Variants in CEP83 observed in about 807,000 individuals in gnomAD.
CEP83 encodes the protein centrosomal protein 83.
Under a neutral mutation model 101.9 loss-of-function variants are expected in CEP83, and 70 were observed. The ratio of observed to expected loss-of-function variants is 0.69; its 90% CI spans 0.57 to 0.84. CEP83 has a LOEUF of 0.84. Ranked by LOEUF, CEP83 falls within the 40% of genes least tolerant of loss-of-function variation. The probability of loss-of-function intolerance (pLI) is 0.00; values close to 1 mark genes in which losing one functional copy is unlikely to be tolerated. For synonymous variants in CEP83, 264 were observed against 267.9 expected, an observed-to-expected ratio of 0.99 and a Z score of 0.14; for missense variants, 715 against 787.2, an observed-to-expected ratio of 0.91 and a Z score of 1.10.
chr12:94,410,771 A>G (rs2063829996), intron 4 of CEP83, among the ~76,000 whole-genome samples: 1 of 152,206 alleles, frequency 6.6e-6, no homozygotes, highest in Non-Finnish European at 1.5e-5. Context: ...TTATATTTGT[A>G]TATTTAAATG....
chr12:94,272,924 T>C, the CEP83 span, among the ~76,000 whole-genome samples: 1 of 152,172 alleles, frequency 6.6e-6, no homozygotes, highest in African/African-American at 2.4e-5. Flanking sequence ...AGGGCATTCA[T>C]TGAGGCCTTC....
intron 11 of CEP83, 43 bp from the exon 12 acceptor site, chr12:94,335,707 G>T: frequency 7.8e-7 from 1 of 1,275,730 alleles, no homozygotes; most frequent in Non-Finnish European, 1.1e-6. Flanking sequence ...AAGAATCCAT[G>T]ATTCATTTAT....
At chr12:94,317,449 C>T (rs367895925) in intron 14 of CEP83, among the ~76,000 whole-genome samples, 2 of 152,058 alleles carry the variant, frequency 1.3e-5, no homozygotes, top group Non-Finnish European at 2.9e-5. Flanking sequence ...TTGCTTTTGT[C>T]GTGATTGCTT....
At position 94,312,335 on chromosome 12, in the gene CEP83, GA is replaced by G. The variant is rs534197843; in HGVS notation, c.1811+578del. On this transcript the variant is annotated intron_variant, in intron 15 of 16. Coordinates refer to ENST00000397809, the MANE Select transcript of CEP83 (RefSeq NM_016122.3). ...GATATTATAGGCAGTTTCCATTACA[GA>G]AAAATCTATACTTGAATAGCCAAGG... 4.8e-4 allele frequency among the ~76,000 whole-genome samples: 73 copies of G among 152,256 alleles called. No individual in the cohort carries two copies. In the South Asian group the frequency reaches 0.015, roughly 32 times the overall value.
At chr12:94,294,352 C>T in the CEP83 span, 1 of 563,148 alleles carries the variant, frequency 1.8e-6, no homozygotes, top group Non-Finnish European at 3.3e-6. Flanking sequence ...GTGCCCAGAA[C>T]ATAGTAATTC....
At chr12:94,422,344 A>G (rs2138004051) in intron 2 of CEP83, among the ~76,000 whole-genome samples, 2 of 152,340 alleles carry the variant, frequency 1.3e-5, no homozygotes, top group East Asian at 3.9e-4. Context: ...CAGAAAGTAA[A>G]TTAGCCTTGC....
At chr12:94,458,717 G>A (rs931708143) in intron 1 of CEP83, among the ~76,000 whole-genome samples, 5 of 152,166 alleles carry the variant, frequency 3.3e-5, no homozygotes, top group East Asian at 1.9e-4. Context: ...CAGCCTGGGC[G>A]ACAGAGTGAG....
At chr12:94,406,770 T>A (rs947352643) in intron 4 of CEP83, among the ~76,000 whole-genome samples, 1 of 151,288 alleles carries the variant, frequency 6.6e-6, no homozygotes, top group East Asian at 1.9e-4. Flanking sequence ...CAATAAAAAA[T>A]TTAAAAATTA....
chr12:94,361,688 T>C lies in CEP83; in HGVS notation c.1343+6106A>G, dbSNP rs529095126. Among the ~76,000 whole-genome samples, 132 of 152,110 alleles carry C rather than the reference T, an allele frequency of 8.7e-4. 1 individual carries two copies. Among genetic ancestry groups the C allele is most frequent in the Admixed American group, 2.6e-3 (39 of 15,262 alleles). Reference sequence around the variant, plus strand: ...ACAACCTATACAATGGGAGAAAATATTAATACCTGCAAACTAATTTTTTTT... The same window carrying C: ...ACAACCTATACAATGGGAGAAAATACTAATACCTGCAAACTAATTTTTTTT... On this transcript the variant is annotated intron_variant, in intron 11 of 16. Coordinates refer to ENST00000397809, the MANE Select transcript of CEP83 (RefSeq NM_016122.3).
upstream of CEP83, chr12:94,460,039 T>C (rs1450752308): frequency 6.6e-6 from 1 of 152,082 alleles, no homozygotes; most frequent in Non-Finnish European, 1.5e-5. Flanking sequence ...CCGGAGCCGT[T>C]AGAGGGAGGA....
intron 11 of CEP83, among the ~76,000 whole-genome samples, chr12:94,350,693 AC>A (rs2060159770): frequency 6.6e-6 from 1 of 152,198 alleles, no homozygotes; most frequent in African/African-American, 2.4e-5. Context: ...ACAGAGTAAA[AC>A]CCTACAGAAT....
intron 2 of CEP83, among the ~76,000 whole-genome samples, chr12:94,420,707 G>A (rs1230351735): frequency 6.6e-6 from 1 of 151,972 alleles, no homozygotes; most frequent in African/African-American, 2.4e-5. Flanking sequence ...CCCTGCTATA[G>A]ATACTCTATA....
chr12:94,349,302 A>AT (rs2060096526), intron 11 of CEP83, among the ~76,000 whole-genome samples: 1 of 151,404 alleles, frequency 6.6e-6, no homozygotes. Flanking sequence ...AAAAAAAAAA[A>AT]GAAAAAAAGT....
chr12:94,303,814 T>C (rs201903968), downstream of CEP83: 10 of 1,606,280 alleles, frequency 6.2e-6, no homozygotes, highest in East Asian at 2.2e-4. Flanking sequence ...AAAGAAGAAG[T>C]AAAATCTTAT....
At chr12:94,383,408 C>A (rs1336891110) in intron 6 of CEP83, among the ~76,000 whole-genome samples, 1 of 152,010 alleles carries the variant, frequency 6.6e-6, no homozygotes, top group East Asian at 1.9e-4. Context: ...CAAGTTACAA[C>A]TTTTCAACTT....
chr12:94,424,605 C>G, intron 2 of CEP83: 2 of 1,613,354 alleles, frequency 1.2e-6, no homozygotes, highest in Non-Finnish European at 1.7e-6. Context: ...TGTGCCTGTA[C>G]ACCACTGGCC....
the CEP83 span, among the ~76,000 whole-genome samples, chr12:94,265,824 ACTT>A: frequency 6.6e-6 from 1 of 151,444 alleles, no homozygotes; most frequent in Admixed American, 6.6e-5. Flanking sequence ...CCGCTTGAGA[ACTT>A]CTTTCTAATT....
chr12:94,400,853 T>C lies in CEP83; in HGVS notation c.546A>G (p.Ser182=). ...ILDEGKIKYE[S]EIARLEEDKE... ...ACTCGTATAATCAATCACTTACCTC[T>C]GATTCATATTTTATTTTTCCTTCAT... Residue 182 remains serine, a synonymous_variant, in exon 6 of 17, where the codon TCA becomes TCG. Coordinates refer to ENST00000397809, the MANE Select transcript of CEP83 (RefSeq NM_016122.3). 6.8e-7 allele frequency: 1 copy of C among 1,462,064 alleles called. No individual in the cohort carries two copies. Among genetic ancestry groups the C allele is most frequent in the Non-Finnish European group, 9.1e-7 (1 of 1,101,622 alleles). 90.6% of individuals were successfully genotyped at this position (1,462,064 alleles called of 1,614,324 possible).
the CEP83 span, among the ~76,000 whole-genome samples, chr12:94,271,264 CA>C: frequency 6.6e-6 from 1 of 152,124 alleles, no homozygotes; most frequent in African/African-American, 2.4e-5. Context: ...ACTTTCTAGG[CA>C]TTATAAGGTA....
Sources: gnomAD v4.1 joint callset for allele counts (sites outside exome capture counted in the v4.1 genomes callset) on GRCh38, gnomAD v4.1.1 for gene constraint, MANE v1.5 for transcripts, NCBI Gene and HGNC (gene_info 2026-07-23, HGNC 2026-07-21) for gene names.